Variants in MYH10 observed in about 807,000 individuals in gnomAD.
MYH10 encodes myosin-10.
In MYH10, 55 loss-of-function variants were observed where a neutral mutation model predicts 257.8. The ratio of observed to expected loss-of-function variants is 0.21; its 90% CI spans 0.17 to 0.27. The LOEUF (loss-of-function observed/expected upper bound fraction) is 0.27, where lower values mean the gene tolerates loss of function less well. Ranked by LOEUF, MYH10 falls within the 10% of genes least tolerant of loss-of-function variation. The pLI is 1.00. For missense variants in MYH10, 1,631 were observed against 2,500.6 expected, an observed-to-expected ratio of 0.65 and a Z score of 7.42; for synonymous variants, 854 against 921.7, an observed-to-expected ratio of 0.93 and a Z score of 1.33.
rs879871249 is a variant in MYH10 at position 8,493,347 on chromosome 17, GA to G, written c.4210-324del. ...CGACAAAGTGAGACTCTATCTCAAG[GA>G]AAAAAAAAAAAGAACTCAATTGGTT... On this transcript the variant is annotated intron_variant, in intron 32 of 42. Coordinates refer to ENST00000360416, the MANE Select transcript of MYH10 (RefSeq NM_001256012.3). Among the ~76,000 whole-genome samples, 411 of 125,282 alleles carry G rather than the reference GA, an allele frequency of 3.3e-3. 6 individuals are homozygous for G. The highest frequency in any genetic ancestry group is 8.3e-3 in the African/African-American group (281 of 33,840). 82.2% of individuals were successfully genotyped at this position (125,282 alleles called of 152,430 possible). A position where few individuals can be genotyped will look rare whatever the true frequency, so the allele number is the denominator to read the frequency against.
At chr17:8,622,755 G>T in intron 2 of MYH10, 147 bp downstream of exon 2, 1 of 988,948 alleles carries the variant, frequency 1.0e-6, no homozygotes, top group Non-Finnish European at 1.4e-6. Flanking sequence ...GGGTAAGCAA[G>T]CAACAAATCT....
chr17:8,540,165 A>G (rs1271315744), intron 14 of MYH10, among the ~76,000 whole-genome samples: 2 of 151,954 alleles, frequency 1.3e-5, no homozygotes, highest in Non-Finnish European at 2.9e-5. Context: ...AATTTTCTGT[A>G]TTTTTAGTAG....
intron 4 of MYH10, among the ~76,000 whole-genome samples, chr17:8,582,038 T>A (rs1442442068): frequency 6.6e-6 from 1 of 152,190 alleles, no homozygotes; most frequent in East Asian, 1.9e-4. Context: ...AGGCTCTCAA[T>A]AAATGGTAGT....
At chr17:8,568,001 C>T (rs1451287342) in intron 7 of MYH10, among the ~76,000 whole-genome samples, 1 of 152,166 alleles carries the variant, frequency 6.6e-6, no homozygotes, top group Non-Finnish European at 1.5e-5. Flanking sequence ...TCGTCAGTTA[C>T]CTCTTCATCC....
At chr17:8,551,586 A>C (rs1027137889) in intron 9 of MYH10, among the ~76,000 whole-genome samples, 1 of 152,096 alleles carries the variant, frequency 6.6e-6, no homozygotes. Context: ...CCAACTCTAA[A>C]CTTCTAGTCC....
rs767265670 is a variant in MYH10, at chr17:8,480,482, C to T, written c.5308G>A (p.Ala1770Thr). The change falls in exon 39 of 43, where the codon GCA (alanine) becomes ACA (threonine). Residue 1770 changes from alanine to threonine, a missense_variant. Coordinates refer to ENST00000360416, the MANE Select transcript of MYH10 (RefSeq NM_001256012.3). ...DEKRRLEARI[A>T]QLEEELEEEQ... ...TCTTCCAGCTCCTCCTCCAGCTGTG[C>T]GATCCGAGCTTCCAGACGCCGCTTC... 6.8e-6 allele frequency: 11 copies of T among 1,611,488 alleles called. No homozygotes were observed. The highest frequency in any genetic ancestry group is 4.4e-5 in the South Asian group (4 of 91,040).
Position 8,545,503 on chromosome 17 carries a change from C to G in MYH10, c.1376G>C (p.Arg459Pro). ...GATTCCAATGAAAGATGCTCCCTGA[C>G]GTTTGGTCCTATCCAGAGCTTTATT... ...RINKALDRTK[R>P]QGASFIGILD... The change falls in exon 13 of 43, where the codon CGT (arginine) becomes CCT (proline). Residue 459 changes from arginine (R) to proline (P), a missense_variant. By Grantham distance (103) the Arg-to-Pro change is moderately radical. Coordinates refer to ENST00000360416, the MANE Select transcript of MYH10 (RefSeq NM_001256012.3). This position sits in a 1 kb window ranked among gnomAD's most constrained non-coding sequence, Gnocchi z 4.7. The G allele has an allele frequency of 6.2e-7, 1 of 1,614,130 alleles. No individual in the cohort carries two copies. Among genetic ancestry groups the G allele is most frequent in the Non-Finnish European group, 8.5e-7 (1 of 1,180,026 alleles).
intron 16 of MYH10, among the ~76,000 whole-genome samples, chr17:8,534,163 C>T (rs1277095650): frequency 6.6e-6 from 1 of 152,208 alleles, no homozygotes; most frequent in African/African-American, 2.4e-5. Context: ...CCCTGCTTCT[C>T]TTCCCAGTCC....
rs770715696 is a variant in MYH10 at position 8,490,406 on chromosome 17, C to T, written c.4818G>A (p.Gln1606=). ...LEVNMQAMKA[Q]FERDLQTRDE... The stretch of plus-strand genomic sequence containing the variant: ...CCCTGGTTTGCAGGTCTCTCTCGAA[C>T]TGCGCCTTCATGGCCTGCATGTTGA... The change falls in exon 35 of 43, where the codon CAG becomes CAA. Residue 1606 remains glutamine, a synonymous_variant. Transcript: ENST00000360416. The surrounding 1 kb of genome is among the most constrained non-coding windows in gnomAD (Gnocchi z 4.1). The T allele has an allele frequency of 2.5e-6, 4 of 1,614,216 alleles. No homozygotes were observed. The highest frequency in any genetic ancestry group is 2.2e-5 in the East Asian group (1 of 44,884).
chr17:8,606,221 A>C (rs1423382002), intron 2 of MYH10, among the ~76,000 whole-genome samples: 1 of 152,188 alleles, frequency 6.6e-6, no homozygotes, highest in East Asian at 1.9e-4. Flanking sequence ...GACCCTATGA[A>C]TGCTTATGAC....
chr17:8,604,146 T>TA (rs2084710400), intron 3 of MYH10, among the ~76,000 whole-genome samples: 1 of 152,092 alleles, frequency 6.6e-6, no homozygotes, highest in African/African-American at 2.4e-5. Context: ...AAAAATACAT[T>TA]AAAAAGGAGA....
At chr17:8,542,424 G>A in intron 13 of MYH10, 144 bp from the exon 14 acceptor site, 1 of 691,384 alleles carries the variant, frequency 1.4e-6, no homozygotes, top group Non-Finnish European at 2.4e-6. Context: ...TAATGACAGT[G>A]ACTAAACCAA....
chr17:8,517,096 G>A (rs577999341), intron 21 of MYH10, among the ~76,000 whole-genome samples: 6 of 152,160 alleles, frequency 3.9e-5, no homozygotes, highest in South Asian at 4.2e-4. Flanking sequence ...AGCCGAGGTC[G>A]CGCCACTGCA....
intron 37 of MYH10, among the ~76,000 whole-genome samples, chr17:8,483,646 C>T (rs768827210): frequency 6.6e-6 from 1 of 152,184 alleles, no homozygotes; most frequent in African/African-American, 2.4e-5. Context: ...GTTACAGTTC[C>T]TATATGCAAC....
intron 7 of MYH10, among the ~76,000 whole-genome samples, chr17:8,557,662 C>T (rs971354320): frequency 1.6e-4 from 25 of 152,126 alleles, no homozygotes; most frequent in African/African-American, 4.6e-4. Flanking sequence ...CACTAAACCA[C>T]GGAGTGTTCA....
chr17:8,539,352 C>A (rs1284494197), intron 14 of MYH10, among the ~76,000 whole-genome samples: 2 of 152,194 alleles, frequency 1.3e-5, no homozygotes, highest in Non-Finnish European at 2.9e-5. Flanking sequence ...GCACAGCATC[C>A]ACGCCTGTAA....
intron 7 of MYH10, among the ~76,000 whole-genome samples, chr17:8,567,081 A>G (rs1337883574): frequency 6.6e-6 from 1 of 152,202 alleles, no homozygotes; most frequent in Non-Finnish European, 1.5e-5. Flanking sequence ...GGAGATTCAC[A>G]TACCAAAGCT....
In MYH10 at chr17:8,480,194, G is replaced by C; in HGVS notation, c.5513C>G (p.Ala1838Gly). Residue 1838 changes from alanine to glycine, a missense_variant, in exon 40 of 43, where the codon GCT (alanine) becomes GGT (glycine). Transcript: ENST00000360416. ...LKAKLQELEGAVKSKFKATIS... is the reference protein window; with the variant it reads ...LKAKLQELEGGVKSKFKATIS... ...GGTGGCCTTGAACTTAGACTTGACA[G>C]CACCCTCGAGTTCCTGCAGCTTGGC... 6.2e-7 allele frequency: 1 copy of C among 1,614,100 alleles called. No homozygotes were observed. The highest frequency in any genetic ancestry group is 8.5e-7 in the Non-Finnish European group (1 of 1,180,046).
chr17:8,548,534 A>C, intron 10 of MYH10, 110 bp downstream of exon 10: 1 of 1,450,016 alleles, frequency 6.9e-7, no homozygotes. Flanking sequence ...TCTTTTCAGG[A>C]TTTCATACAA....
Sources: gnomAD v4.1 joint callset for allele counts (sites outside exome capture counted in the v4.1 genomes callset) on GRCh38, gnomAD v4.1.1 for gene constraint, Gnocchi (gnomAD v3.1) non-coding constraint, MANE v1.5 for transcripts, NCBI Gene and HGNC (gene_info 2026-07-23, HGNC 2026-07-21) for gene names.